The following ACOXL variants were observed in gnomAD, a reference collection of about 807,000 sequenced individuals.
ACOXL encodes the protein acyl-CoA oxidase like.
ACOXL carries 70 observed loss-of-function variants against 71.9 expected under a neutral mutation model. The ratio of observed to expected loss-of-function variants is 0.97; its 90% CI spans 0.80 to 1.19. The LOEUF is 1.19. Ranked by LOEUF, ACOXL falls within the 50% of genes most tolerant of loss-of-function variation. The pLI, the probability that ACOXL is intolerant of heterozygous loss-of-function variation, is 0.00. For missense variants in ACOXL, 703 were observed against 736.3 expected (o/e 0.95, Z 0.52); for synonymous variants, 253 against 281.6 (o/e 0.90, Z 1.02).
intron 9 of ACOXL, among the ~76,000 whole-genome samples, chr2:110,817,332 A>G (rs958346813): frequency 2.6e-5 from 4 of 152,240 alleles, no homozygotes; most frequent in African/African-American, 4.8e-5. Context: ...CAATCACCTC[A>G]TGTGGGGCAG....
At chr2:110,745,941 G>C (rs747076115) in intron 1 of ACOXL, among the ~76,000 whole-genome samples, 1 of 152,178 alleles carries the variant, frequency 6.6e-6, no homozygotes, top group Non-Finnish European at 1.5e-5. Flanking sequence ...GGGGACTGGA[G>C]AGTCTCCTGT....
At chr2:110,775,595 A>G (rs1452294154) in intron 2 of ACOXL, among the ~76,000 whole-genome samples, 1 of 152,238 alleles carries the variant, frequency 6.6e-6, no homozygotes, top group East Asian at 1.9e-4. Flanking sequence ...AGTTGAAGAT[A>G]TAGTTCTTCA....
intron 3 of ACOXL, among the ~76,000 whole-genome samples, chr2:110,792,991 T>C (rs190327178): frequency 3.3e-5 from 5 of 152,336 alleles, no homozygotes; most frequent in African/African-American, 1.2e-4. Context: ...TTTCCCATGT[T>C]AAATGGGGAT....
At chr2:111,068,040 A>G (rs2067155844) in intron 16 of ACOXL, among the ~76,000 whole-genome samples, 1 of 152,104 alleles carries the variant, frequency 6.6e-6, no homozygotes, top group Non-Finnish European at 1.5e-5. Flanking sequence ...CCTGACACCT[A>G]AAAAATACCC....
At chr2:110,804,819 G>C (rs990271203) in intron 8 of ACOXL, among the ~76,000 whole-genome samples, 4 of 152,140 alleles carry the variant, frequency 2.6e-5, no homozygotes, top group Non-Finnish European at 4.4e-5. Flanking sequence ...TGGTTGCCAG[G>C]GACTGGAGGG....
chr2:111,068,913 C>T (rs1312124501), intron 16 of ACOXL, among the ~76,000 whole-genome samples: 4 of 152,110 alleles, frequency 2.6e-5, no homozygotes, highest in Admixed American at 6.5e-5. Flanking sequence ...TACATACATA[C>T]GTGTATAAAT....
intron 10 of ACOXL, among the ~76,000 whole-genome samples, chr2:110,876,709 A>G (rs1012459044): frequency 1.3e-5 from 2 of 152,158 alleles, no homozygotes; most frequent in African/African-American, 4.8e-5. Context: ...ACACACTGGC[A>G]CAGACGGGTC....
intron 16 of ACOXL, among the ~76,000 whole-genome samples, chr2:111,055,553 G>A (rs940477934): frequency 2.6e-5 from 4 of 152,198 alleles, no homozygotes; most frequent in Non-Finnish European, 5.9e-5. Context: ...CCTAAGCTCC[G>A]ACCAGCAAGG....
intron 14 of ACOXL, among the ~76,000 whole-genome samples, chr2:111,029,720 G>A (rs1256430581): frequency 6.6e-6 from 1 of 152,192 alleles, no homozygotes; most frequent in African/African-American, 2.4e-5. Flanking sequence ...GGAGCCTCTT[G>A]CCAGCAGGGG....
At chr2:110,901,671 C>CAT (rs2059239059) in intron 10 of ACOXL, among the ~76,000 whole-genome samples, 2 of 151,008 alleles carry the variant, frequency 1.3e-5, no homozygotes, top group South Asian at 2.1e-4. Flanking sequence ...CACACACACA[C>CAT]ACATATACAC....
intron 2 of ACOXL, among the ~76,000 whole-genome samples, chr2:110,769,262 G>A (rs374413754): frequency 6.8e-6 from 1 of 146,310 alleles, no homozygotes; most frequent in Non-Finnish European, 1.5e-5. Context: ...AAGAAAGAAA[G>A]AAAAAAATAC....
At chr2:110,897,461 A>G (rs1380550153) in intron 10 of ACOXL, among the ~76,000 whole-genome samples, 3 of 152,212 alleles carry the variant, frequency 2.0e-5, no homozygotes, top group African/African-American at 7.2e-5. Flanking sequence ...TCTAAAGAAC[A>G]AGAATGCTGA....
intron 14 of ACOXL, among the ~76,000 whole-genome samples, chr2:111,027,795 G>A (rs1414731899): frequency 6.6e-6 from 1 of 152,104 alleles, no homozygotes; most frequent in East Asian, 1.9e-4. Flanking sequence ...GTTCATGACT[G>A]GCAAGGAATG....
At chr2:110,949,860 A>G (rs1294829968) in intron 12 of ACOXL, among the ~76,000 whole-genome samples, 4 of 152,196 alleles carry the variant, frequency 2.6e-5, no homozygotes, top group Admixed American at 6.5e-5. Context: ...CAAAGGTTCT[A>G]CAGGCCTTCC....
At chr2:110,770,189 C>T (rs1188322805) in intron 2 of ACOXL, among the ~76,000 whole-genome samples, 1 of 152,320 alleles carries the variant, frequency 6.6e-6, no homozygotes, top group East Asian at 1.9e-4. Flanking sequence ...TTTCCCCACC[C>T]AGCATGGTCT....
chr2:110,873,956 G>T (rs576613455), intron 10 of ACOXL, among the ~76,000 whole-genome samples: 4 of 152,196 alleles, frequency 2.6e-5, no homozygotes, highest in Non-Finnish European at 4.4e-5. Context: ...GGCATCCACC[G>T]TGTGGCATCG....
intron 10 of ACOXL, among the ~76,000 whole-genome samples, chr2:110,885,975 T>A (rs1312559603): frequency 6.6e-6 from 1 of 152,168 alleles, no homozygotes; most frequent in East Asian, 1.9e-4. Flanking sequence ...TGTTTTTATA[T>A]GTTTCTCAAA....
chr2:110,965,792 G>A (rs933746360), intron 12 of ACOXL, among the ~76,000 whole-genome samples: 3 of 152,222 alleles, frequency 2.0e-5, no homozygotes, highest in Admixed American at 1.3e-4. Flanking sequence ...GAAGGAGGCT[G>A]CCTAGGGACT....
intron 14 of ACOXL, among the ~76,000 whole-genome samples, chr2:111,027,009 A>G (rs951233364): frequency 1.3e-5 from 2 of 151,466 alleles, no homozygotes; most frequent in Non-Finnish European, 2.9e-5. Flanking sequence ...TGATACTTCC[A>G]CTTCAGCCTC....
Sources: gnomAD v4.1 joint callset for allele counts (sites outside exome capture counted in the v4.1 genomes callset) on GRCh38, gnomAD v4.1.1 for gene constraint, MANE v1.5 for transcripts, NCBI Gene and HGNC (gene_info 2026-07-23, HGNC 2026-07-21) for gene names.